The following AASS variants were observed in gnomAD, a reference collection of about 807,000 sequenced individuals.
The protein encoded by AASS is alpha-aminoadipic semialdehyde synthase, mitochondrial.
AASS carries 86 observed loss-of-function variants against 105.4 expected under a neutral mutation model. The observed-to-expected ratio is 0.82, with a 90% CI of 0.69 to 0.98. The LOEUF is 0.98. Ranked by LOEUF, AASS falls within the 50% of genes least tolerant of loss-of-function variation. AASS has a pLI of 0.00. For synonymous variants in AASS, 381 were observed against 394.8 expected, an observed-to-expected ratio of 0.96 and a Z score of 0.41; for missense variants, 1,048 against 1,143.2, an observed-to-expected ratio of 0.92 and a Z score of 1.20.
intron 2 of AASS, among the ~76,000 whole-genome samples, chr7:122,132,785 G>T (rs1428134753): frequency 6.6e-6 from 1 of 152,114 alleles, no homozygotes; most frequent in East Asian, 1.9e-4. Flanking sequence ...AAGTCTTGGG[G>T]TCTAGAGTCC....
rs1268897135 is a variant in AASS at position 122,074,924 on chromosome 7, G to C, written c.*1565C>G. ...ATCCAGGCTGGATTGCAGTGACCCA[G>C]TTATAGCTCATTGCAGCTTCGAACT... On this transcript the variant is annotated 3_prime_UTR_variant, in exon 24 of 24. Transcript: ENST00000417368. 3.3e-5 allele frequency among the ~76,000 whole-genome samples: 5 copies of C among 152,050 alleles called. No homozygotes were observed. Among genetic ancestry groups the C allele is most frequent in the Non-Finnish European group, 7.4e-5 (5 of 68,010 alleles).
intron 2 of AASS, among the ~76,000 whole-genome samples, chr7:122,130,541 A>G (rs1191463511): frequency 6.6e-6 from 1 of 152,030 alleles, no homozygotes; most frequent in Admixed American, 6.5e-5. Context: ...AAGTACAATT[A>G]TAATCCTCAT....
intron 4 of AASS, among the ~76,000 whole-genome samples, chr7:122,122,649 G>A (rs1291166437): frequency 6.6e-6 from 1 of 152,124 alleles, no homozygotes; most frequent in East Asian, 1.9e-4. Flanking sequence ...AGGATTAAAT[G>A]AAAACACAAA....
intron 1 of AASS, among the ~76,000 whole-genome samples, chr7:122,137,661 T>A (rs1796213400): frequency 6.6e-6 from 1 of 152,226 alleles, no homozygotes; most frequent in African/African-American, 2.4e-5. Flanking sequence ...GTTCATTTGC[T>A]TCTAAGGTCT....
intron 2 of AASS, among the ~76,000 whole-genome samples, chr7:122,132,269 C>G (rs924417434): frequency 6.6e-6 from 1 of 152,084 alleles, no homozygotes; most frequent in Admixed American, 6.5e-5. Flanking sequence ...TGTAATAGAA[C>G]AGTTCACAAC....
chr7:122,078,890 G>A lies in AASS; in HGVS notation c.2457C>T (p.Ser819=). 6.2e-7 allele frequency: 1 copy of A among 1,614,054 alleles called. No individual in the cohort carries two copies. Among genetic ancestry groups the A allele is most frequent in the Non-Finnish European group, 8.5e-7 (1 of 1,180,004 alleles). The change falls in exon 22 of 24, where the codon TCC becomes TCT. Residue 819 remains serine (S), a synonymous_variant. Transcript: ENST00000417368. ...AGGAAAGCTTCATGACCAAATGCTT[G>A]GAGAGGGCATCCAGAATGGACTCTG... The part of the protein sequence containing the change: ...PQAESILDAL[S]KHLVMKLSYG...
intron 11 of AASS, among the ~76,000 whole-genome samples, chr7:122,109,884 T>C (rs962251503): frequency 6.6e-6 from 1 of 151,776 alleles, no homozygotes; most frequent in East Asian, 1.9e-4. Flanking sequence ...AACAACAGAA[T>C]GGGAAAAAGT....
At chr7:122,076,681 ACAAAGAAG>A in intron 23 of AASS, 74 bp from the exon 24 acceptor site, 1 of 1,129,082 alleles carries the variant, frequency 8.9e-7, no homozygotes, top group Non-Finnish European at 1.4e-6. Context: ...AAGAGTCTCC[ACAAAGAAG>A]CAAACTCAGA....
chr7:122,099,986 G>A (rs955708290), intron 13 of AASS, among the ~76,000 whole-genome samples: 4 of 151,646 alleles, frequency 2.6e-5, no homozygotes, highest in South Asian at 2.1e-4. Flanking sequence ...GCTCAAAACA[G>A]AAACTCACTC....
chr7:122,086,883 C>T (rs963908910), intron 18 of AASS, among the ~76,000 whole-genome samples: 3 of 152,064 alleles, frequency 2.0e-5, no homozygotes, highest in African/African-American at 7.2e-5. Context: ...CTTCTCTTTC[C>T]CATACCCCTA....
At chr7:122,125,531 G>A (rs1295790611) in intron 4 of AASS, among the ~76,000 whole-genome samples, 7 of 152,162 alleles carry the variant, frequency 4.6e-5, no homozygotes, top group South Asian at 2.1e-4. Flanking sequence ...TGCTGTGTCC[G>A]GTTTCCATTG....
Position 122,126,438 on chromosome 7 carries a change from C to T in AASS, c.409G>A (p.Glu137Lys), listed in dbSNP as rs1004656242. 7 of 1,613,794 alleles carry T rather than the reference C, an allele frequency of 4.3e-6. No homozygotes were observed. In the African/African-American group the frequency reaches 6.7e-5, roughly 15 times the overall value. Residue 137 changes from glutamate (E) to lysine (K), a missense_variant, in exon 4 of 24, where the codon GAG (glutamate) becomes AAG (lysine). Transcript: ENST00000417368. The stretch of plus-strand genomic sequence containing the variant: ...ACTCCTCTATGATCCACCATTTTCT[C>T]ATAATCAATAAGGCGAATTTCCTGA... ...LKQEIRLIDYEKMVDHRGVRV... is the reference protein window; with the variant it reads ...LKQEIRLIDYKKMVDHRGVRV...
At chr7:122,136,505 T>C (rs1056457297) in intron 1 of AASS, among the ~76,000 whole-genome samples, 1 of 152,228 alleles carries the variant, frequency 6.6e-6, no homozygotes, top group Non-Finnish European at 1.5e-5. Flanking sequence ...ATTTTTTGTT[T>C]ATTCATATCT....
chr7:122,084,639 A>AAAG (rs1437746320), intron 19 of AASS, among the ~76,000 whole-genome samples: 6 of 152,234 alleles, frequency 3.9e-5, no homozygotes, highest in Admixed American at 2.0e-4. Flanking sequence ...GCAGAGAAGA[A>AAAG]AAGAATAAAG....
rs757857246 is a variant in AASS at position 122,078,849 on chromosome 7, C to T, written c.2485+13G>A. The T allele has an allele frequency of 7.2e-5, 116 of 1,609,962 alleles. No individual in the cohort carries two copies. The highest frequency in any genetic ancestry group is 9.3e-5 in the Non-Finnish European group (109 of 1,176,376). On this transcript the variant is annotated intron_variant, in intron 22 of 23. Coordinates refer to ENST00000417368, the MANE Select transcript of AASS (RefSeq NM_005763.4). ...CTTCTTTAGGTATATTTAGCTAATA[C>T]TTCATGGCCTACCATAGGAAAGCTT... is the stretch of plus-strand genomic sequence containing the variant.
At chr7:122,087,311 AG>A (rs1793677768) in intron 18 of AASS, among the ~76,000 whole-genome samples, 1 of 152,172 alleles carries the variant, frequency 6.6e-6, no homozygotes, top group Non-Finnish European at 1.5e-5. Flanking sequence ...CAGAAAGAAA[AG>A]GGCTATGCTG....
Position 122,086,125 on chromosome 7 carries a change from A to C in AASS, c.2071T>G (p.Phe691Val). Residue 691 changes from phenylalanine to valine, a missense_variant, in exon 19 of 24, where the codon TTT becomes GTT. Transcript: ENST00000417368. ...CCTTCCAAATTTAATCCTGGAAAAA[A>C]ATCCATGGACGTAACGGCATCAAGA... ...SFLDAVTSMD[F>V]FPGLNLEGYP... 6.2e-7 allele frequency: 1 copy of C among 1,613,612 alleles called. No homozygotes were observed. The highest frequency in any genetic ancestry group is 8.5e-7 in the Non-Finnish European group (1 of 1,179,812).
intron 11 of AASS, 83 bp from the exon 12 acceptor site, chr7:122,101,763 A>C: frequency 1.9e-6 from 2 of 1,026,756 alleles, no homozygotes; most frequent in Non-Finnish European, 3.0e-6. Flanking sequence ...TAAAATATTA[A>C]TCAAGGGAAA....
intron 3 of AASS, among the ~76,000 whole-genome samples, chr7:122,128,862 A>C (rs918322767): frequency 6.6e-6 from 1 of 152,170 alleles, no homozygotes; most frequent in African/African-American, 2.4e-5. Flanking sequence ...GCGGATCACG[A>C]GGTCAGGAGA....
Sources: allele counts gnomAD v4.1 joint callset (sites outside exome capture counted in the v4.1 genomes callset), GRCh38; gene constraint gnomAD v4.1.1; transcripts MANE v1.5; gene names NCBI Gene and HGNC (gene_info 2026-07-23, HGNC 2026-07-21).